The following RBP7 variants were observed in gnomAD, a reference collection of about 807,000 sequenced individuals.
RBP7 encodes retinol binding protein 7.
A neutral mutation model predicts 16.7 loss-of-function variants in RBP7; 13 were observed. The observed-to-expected ratio is 0.78, with a 90% CI of 0.51 to 1.24. The LOEUF is 1.24. Ranked by LOEUF, RBP7 falls within the 50% of genes most tolerant of loss-of-function variation. The pLI, the probability that RBP7 is intolerant of heterozygous loss-of-function variation, is 0.00. For synonymous variants in RBP7, 54 were observed against 56.2 expected (o/e 0.96, Z 0.17); for missense variants, 145 against 159.5 (o/e 0.91, Z 0.49).
intron 3 of RBP7, 99 bp downstream of exon 3, chr1:10,008,373 G>T (rs1272916686): frequency 2.9e-6 from 2 of 697,698 alleles, no homozygotes; most frequent in Admixed American, 4.6e-5. Context: ...CATTTTAGGA[G>T]GCCGAGGTGG....
rs553114115 is a variant in RBP7 at position 10,005,280 on chromosome 1, C to G, written c.74-2290C>G. 2.0e-4 allele frequency among the ~76,000 whole-genome samples: 30 copies of G among 152,238 alleles called. 2 individuals carry two copies. In the East Asian group the frequency reaches 3.9e-3, roughly 20 times the overall value. ...AGGCTACAGTGCAGTGGCTCGACCTCAGCTCACTGCAACCTCCGCCTCCTG... is the reference window on the plus strand; with the variant it reads ...AGGCTACAGTGCAGTGGCTCGACCTGAGCTCACTGCAACCTCCGCCTCCTG... On this transcript the variant is annotated intron_variant, in intron 1 of 3. Transcript: ENST00000294435.
chr1:10,015,720 G>T, intron 3 of RBP7, 62 bp from the exon 4 acceptor site: 1 of 1,371,052 alleles, frequency 7.3e-7, no homozygotes, highest in South Asian at 1.2e-5. Flanking sequence ...AATAAGTGTT[G>T]AGAGTAAAAA....
intron 1 of RBP7, among the ~76,000 whole-genome samples, chr1:10,006,183 T>A (rs2101735367): frequency 6.6e-6 from 1 of 152,264 alleles, no homozygotes. Flanking sequence ...GCATTCCATG[T>A]TTCCCTGTGG....
At chr1:9,998,087 C>G (rs1381723512) in intron 1 of RBP7, among the ~76,000 whole-genome samples, 1 of 152,230 alleles carries the variant, frequency 6.6e-6, no homozygotes, top group Non-Finnish European at 1.5e-5. Flanking sequence ...CTCCTCGGTT[C>G]AAGCGATTCT....
chr1:10,011,643 A>G (rs1307441037), intron 3 of RBP7, among the ~76,000 whole-genome samples: 1 of 152,224 alleles, frequency 6.6e-6, no homozygotes, highest in African/African-American at 2.4e-5. Context: ...GGTGAGACCC[A>G]TGAGAACAAA....
chr1:9,998,568 CCAG>C (rs1642214986), intron 1 of RBP7, among the ~76,000 whole-genome samples: 2 of 151,804 alleles, frequency 1.3e-5, no homozygotes, highest in Admixed American at 1.3e-4. Context: ...GCCACCACGC[CCAG>C]CTAATTTTTG....
At chr1:9,998,909 A>C (rs1056102009) in intron 1 of RBP7, among the ~76,000 whole-genome samples, 2 of 152,092 alleles carry the variant, frequency 1.3e-5, no homozygotes, top group Non-Finnish European at 2.9e-5. Context: ...AGAAGGTCTG[A>C]GGGGGACCTT....
chr1:10,013,410 G>T (rs968657420), intron 3 of RBP7, among the ~76,000 whole-genome samples: 4 of 152,030 alleles, frequency 2.6e-5, no homozygotes, highest in Non-Finnish European at 5.9e-5. Context: ...TGCTGGGTGT[G>T]GTGGTTCACT....
chr1:9,997,333 T>A lies in RBP7; in HGVS notation c.73+2T>A. On this transcript the variant is annotated splice_donor_variant, in intron 1 of 3. Transcript: ENST00000294435. LOFTEE classifies it high-confidence loss of function. This position sits in a 1 kb window ranked among gnomAD's most constrained non-coding sequence, Gnocchi z 5.9. The stretch of plus-strand genomic sequence containing the variant: ...TCGAGGGCTACATGCTGGCCCTAGG[T>A]AAGGCGGAGGGGAGGCGGCGGCGGC... 1 of 1,610,216 alleles carries A rather than the reference T, an allele frequency of 6.2e-7. No homozygotes were observed. The highest frequency in any genetic ancestry group is 8.5e-7 in the Non-Finnish European group (1 of 1,178,710).
intron 3 of RBP7, 50 bp from the exon 4 acceptor site, chr1:10,015,732 A>C (rs1642757809): frequency 6.6e-7 from 1 of 1,506,056 alleles, no homozygotes; most frequent in African/African-American, 1.4e-5. Context: ...GAGTAAAAAC[A>C]GACCACATGC....
chr1:10,013,225 A>G (rs1047341636), intron 3 of RBP7, among the ~76,000 whole-genome samples: 1 of 151,766 alleles, frequency 6.6e-6, no homozygotes. Flanking sequence ...GGCGCCCGCT[A>G]CCATGCCCAG....
At chr1:10,007,809 G>T in intron 2 of RBP7, 61 bp downstream of exon 2, 1 of 1,482,434 alleles carries the variant, frequency 6.7e-7, no homozygotes, top group Middle Eastern at 1.8e-4. Flanking sequence ...CACTTTGGGA[G>T]GCCAACGCAG....
intron 3 of RBP7, among the ~76,000 whole-genome samples, chr1:10,010,626 C>T (rs540617559): frequency 1.4e-3 from 214 of 150,686 alleles, no homozygotes; most frequent in Non-Finnish European, 2.5e-3. Flanking sequence ...CTCTTGTTGC[C>T]CAGGCTAGAG....
chr1:10,001,904 A>G (rs1208644720), intron 1 of RBP7, among the ~76,000 whole-genome samples: 3 of 151,774 alleles, frequency 2.0e-5, no homozygotes, highest in African/African-American at 2.4e-5. Context: ...ATCTTGGCTC[A>G]CTGCAACTCC....
chr1:10,005,034 C>T (rs1642404315), intron 1 of RBP7, among the ~76,000 whole-genome samples: 1 of 152,034 alleles, frequency 6.6e-6, no homozygotes, highest in African/African-American at 2.4e-5. Flanking sequence ...AGGTTTTGGT[C>T]TCAATACTTA....
Position 10,007,661 on chromosome 1 carries a change from C to T in RBP7, c.165C>T (p.Asn55=). 6.2e-7 allele frequency: 1 copy of T among 1,613,938 alleles called. No individual in the cohort carries two copies. ...GGGATTCTTTTACCATCCACACGAA[C>T]AGCAGCCTAAGGAACTACTTTGTGA... ...QNGDSFTIHT[N]SSLRNYFVKF... Residue 55 remains asparagine (N), a synonymous_variant, in exon 2 of 4, where the codon AAC becomes AAT. Coordinates refer to ENST00000294435, the MANE Select transcript of RBP7 (RefSeq NM_052960.3).
intron 3 of RBP7, among the ~76,000 whole-genome samples, chr1:10,008,500 G>C (rs1172100194): frequency 6.6e-6 from 1 of 150,660 alleles, no homozygotes; most frequent in African/African-American, 2.5e-5. Flanking sequence ...GAGTGCAGTG[G>C]CGCGATCTCG....
At chr1:9,998,431 G>C (rs1380494139) in intron 1 of RBP7, among the ~76,000 whole-genome samples, 1 of 76,896 alleles carries the variant, frequency 1.3e-5, no homozygotes, top group Non-Finnish European at 3.0e-5. Flanking sequence ...TTTTTGAGAC[G>C]GAGTCTCGCT....
intron 3 of RBP7, among the ~76,000 whole-genome samples, chr1:10,009,147 C>G (rs1178217824): frequency 6.6e-6 from 1 of 152,148 alleles, no homozygotes; most frequent in Non-Finnish European, 1.5e-5. Flanking sequence ...CGAGGTGGCT[C>G]ACGCCTGTAA....
Sources: gnomAD v4.1 joint callset for allele counts (sites outside exome capture counted in the v4.1 genomes callset) on GRCh38, gnomAD v4.1.1 for gene constraint, Gnocchi (gnomAD v3.1) non-coding constraint, MANE v1.5 for transcripts, NCBI Gene and HGNC (gene_info 2026-07-23, HGNC 2026-07-21) for gene names.